DGAT2: variants seen among roughly 807,000 people sequenced by gnomAD.
DGAT2 encodes acyl-CoA retinol O-fatty-acyltransferase.
In DGAT2, 33 loss-of-function variants were observed where a neutral mutation model predicts 48.4. The ratio of observed to expected loss-of-function variants is 0.68; its 90% CI spans 0.52 to 0.91. The LOEUF (loss-of-function observed/expected upper bound fraction) is 0.91, where lower values mean the gene tolerates loss of function less well. DGAT2 is among the 40% of genes least tolerant of loss of function. The pLI, the probability that DGAT2 is intolerant of heterozygous loss-of-function variation, is 0.00. For synonymous variants in DGAT2, 191 were observed against 194.1 expected (o/e 0.98, Z 0.13); for missense variants, 446 against 493.7 (o/e 0.90, Z 0.92).
At chr11:75,787,757 A>G (rs1293670957) in intron 2 of DGAT2, among the ~76,000 whole-genome samples, 1 of 152,190 alleles carries the variant, frequency 6.6e-6, no homozygotes, top group African/African-American at 2.4e-5. Flanking sequence ...GGAGAGATTA[A>G]TCTGACCTGG....
intron 1 of DGAT2, chr11:75,776,078 C>T (rs1260260116): frequency 2.6e-5 from 4 of 152,250 alleles, no homozygotes; most frequent in Non-Finnish European, 4.4e-5. Context: ...CTCCCTTCCT[C>T]TGGGGCCTTC....
intron 4 of DGAT2, chr11:75,794,467 C>T (rs1945026326): frequency 6.6e-6 from 1 of 152,204 alleles, no homozygotes; most frequent in East Asian, 1.9e-4. Flanking sequence ...GTGTTCATTC[C>T]TTGTTATCCA....
At chr11:75,790,153 C>T in intron 2 of DGAT2, 35 bp from the exon 3 acceptor site, 2 of 1,492,280 alleles carry the variant, frequency 1.3e-6, no homozygotes, top group Non-Finnish European at 1.9e-6. Context: ...AGATGAAGCC[C>T]AGTAGGACCT....
rs139005829 is a variant in DGAT2, at chr11:75,798,288, G to A, written c.871G>A (p.Glu291Lys). Reference protein sequence around the residue: ...ENEVYKQVIFEEGSWGRWVQK... With the variant: ...ENEVYKQVIFKEGSWGRWVQK... Reference sequence around the variant, plus strand: ...TGAAGTGTACAAGCAGGTGATCTTCGAGGAGGGCTCCTGGGGCCGATGGGT... The same window carrying A: ...TGAAGTGTACAAGCAGGTGATCTTCAAGGAGGGCTCCTGGGGCCGATGGGT... Residue 291 changes from glutamate to lysine, a missense_variant, in exon 7 of 8, where the codon GAG becomes AAG. Physicochemically the swap from Glu to Lys is moderately conservative, Grantham distance 56. Transcript: ENST00000228027. The A allele has an allele frequency of 5.6e-6, 9 of 1,614,054 alleles. No homozygotes were observed. The highest frequency in any genetic ancestry group is 2.7e-5 in the African/African-American group (2 of 74,916).
chr11:75,784,041 G>C (rs970414461), intron 1 of DGAT2, among the ~76,000 whole-genome samples: 5 of 152,102 alleles, frequency 3.3e-5, no homozygotes, highest in African/African-American at 1.2e-4. Context: ...AAGTGGTAGT[G>C]GTGTGGGGAA....
chr11:75,774,230 C>T (rs968033022), intron 1 of DGAT2, among the ~76,000 whole-genome samples: 5 of 152,186 alleles, frequency 3.3e-5, no homozygotes, highest in Non-Finnish European at 4.4e-5. Context: ...GGGCAGGGCC[C>T]AGGGGTAGGA....
chr11:75,791,190 G>A (rs907841485), intron 4 of DGAT2, among the ~76,000 whole-genome samples: 9 of 152,260 alleles, frequency 5.9e-5, no homozygotes, highest in Non-Finnish European at 1.5e-5. Context: ...AAGAGTGGAG[G>A]CAGCACGTGA....
Position 75,800,588 on chromosome 11 carries a change from T to A in DGAT2, c.*80T>A, listed in dbSNP as rs1945102539. 1 of 1,476,706 alleles carries A rather than the reference T, an allele frequency of 6.8e-7. No individual in the cohort carries two copies. Among genetic ancestry groups the A allele is most frequent in the Non-Finnish European group, 9.1e-7 (1 of 1,096,804 alleles). The allele number at this position is 1,476,706 out of a possible 1,614,324, so 91.5% of individuals were successfully genotyped here. On this transcript the variant is annotated 3_prime_UTR_variant, in exon 8 of 8. Coordinates refer to ENST00000228027, the MANE Select transcript of DGAT2 (RefSeq NM_032564.5). ...TCTGTAAATTTGGAAGTGTCATGGG[T>A]GTCTGTGGGTTATTTAAAAGAAATT...
intron 6 of DGAT2, 92 bp from the exon 7 acceptor site, chr11:75,798,135 G>C (rs1234641644): frequency 1.5e-6 from 2 of 1,315,518 alleles, no homozygotes; most frequent in Non-Finnish European, 2.2e-6. Context: ...CTGGGGGAGG[G>C]GGATGCTTGG....
chr11:75,779,544 A>G (rs1048563626), intron 1 of DGAT2, among the ~76,000 whole-genome samples: 30 of 152,112 alleles, frequency 2.0e-4, no homozygotes, highest in African/African-American at 6.8e-4. Context: ...GAAGCCCCAC[A>G]TAGGCGCAGG....
At position 75,769,085 on chromosome 11, in the gene DGAT2, C is replaced by G; in HGVS notation, c.94C>G (p.Leu32Val). The G allele has an allele frequency of 6.4e-7, 1 of 1,574,690 alleles. No homozygotes were observed. Among genetic ancestry groups the G allele is most frequent in the South Asian group, 1.2e-5 (1 of 86,910 alleles). The change falls in exon 1 of 8, where the codon CTG becomes GTG. Residue 32 changes from leucine to valine, a missense_variant. Transcript: ENST00000228027. Reference protein sequence around the residue: ...RSQRSHGGPALSREGSGRWGT... With the variant: ...RSQRSHGGPAVSREGSGRWGT... ...CCAGCGCTCTCACGGAGGACCTGCG[C>G]TGTCGCGCGAGGGGTCTGGGAGATG...
rs1945111619 is a variant in DGAT2, at chr11:75,801,440, C to T, written c.*932C>T. On this transcript the variant is annotated 3_prime_UTR_variant, in exon 8 of 8. Coordinates refer to ENST00000228027, the MANE Select transcript of DGAT2 (RefSeq NM_032564.5). ...GGGTTGGGCCGGGGAGGAAACCCAACCCTCTCCTGTGTGTTCTGTTATCTC... is the reference window on the plus strand; with the variant it reads ...GGGTTGGGCCGGGGAGGAAACCCAATCCTCTCCTGTGTGTTCTGTTATCTC... 1 of 152,666 alleles carries T rather than the reference C, an allele frequency of 6.6e-6. No individual in the cohort carries two copies. Among genetic ancestry groups the T allele is most frequent in the Admixed American group, 6.5e-5 (1 of 15,286 alleles). 9.5% of individuals were successfully genotyped at this position (152,666 alleles called of 1,614,324 possible). A position where few individuals can be genotyped will look rare whatever the true frequency, so the allele number is the denominator to read the frequency against.
At chr11:75,774,852 A>T (rs1268061608) in intron 1 of DGAT2, among the ~76,000 whole-genome samples, 1 of 152,104 alleles carries the variant, frequency 6.6e-6, no homozygotes. Context: ...CTTCCACTGC[A>T]GTAGCTACTT....
chr11:75,787,026 A>C (rs2135770756), intron 2 of DGAT2, among the ~76,000 whole-genome samples: 1 of 152,368 alleles, frequency 6.6e-6, no homozygotes, highest in Middle Eastern at 3.4e-3. Flanking sequence ...AGCACATGTA[A>C]TAATTACTAT....
chr11:75,781,040 A>T (rs1311000683), intron 1 of DGAT2, among the ~76,000 whole-genome samples: 4 of 152,222 alleles, frequency 2.6e-5, no homozygotes, highest in African/African-American at 7.2e-5. Context: ...TTCCAGTGTG[A>T]TGGAGAATCA....
chr11:75,780,703 A>G (rs904030875), intron 1 of DGAT2, among the ~76,000 whole-genome samples: 1 of 152,176 alleles, frequency 6.6e-6, no homozygotes, highest in Non-Finnish European at 1.5e-5. Flanking sequence ...GAACTTGGGG[A>G]CATGCAACAT....
chr11:75,774,078 G>A (rs560755584), intron 1 of DGAT2: 1 of 152,376 alleles, frequency 6.6e-6, no homozygotes, highest in African/African-American at 2.4e-5. Flanking sequence ...CTGGATCCAG[G>A]CCTGTGGTGG....
At chr11:75,784,557 C>T in intron 1 of DGAT2, 61 bp from the exon 2 acceptor site, 1 of 1,602,010 alleles carries the variant, frequency 6.2e-7, no homozygotes, top group Non-Finnish European at 8.5e-7. Context: ...GAGGTTTGTA[C>T]TGGGGACCCC....
Position 75,792,117 on chromosome 11 carries a change from C to G in DGAT2, c.429+1386C>G, listed in dbSNP as rs576265322. 6 of 152,398 alleles carry G rather than the reference C, an allele frequency of 3.9e-5. No individual in the cohort carries two copies. The South Asian group carries it at 1.2e-3, about 32-fold the overall frequency. 9.4% of individuals were successfully genotyped at this position (152,398 alleles called of 1,614,324 possible). A position where few individuals can be genotyped will look rare whatever the true frequency, so the allele number is the denominator to read the frequency against. On this transcript the variant is annotated intron_variant, in intron 4 of 7. Coordinates refer to ENST00000228027, the MANE Select transcript of DGAT2 (RefSeq NM_032564.5). ...GGCCAGTAGCCCCATCCACTTAGAACAGGATGACCTGATGATTGTTGGTCA... is the reference window on the plus strand; with the variant it reads ...GGCCAGTAGCCCCATCCACTTAGAAGAGGATGACCTGATGATTGTTGGTCA...
Sources: gnomAD v4.1 joint callset for allele counts (sites outside exome capture counted in the v4.1 genomes callset) on GRCh38, gnomAD v4.1.1 for gene constraint, MANE v1.5 for transcripts, NCBI Gene and HGNC (gene_info 2026-07-23, HGNC 2026-07-21) for gene names.